EYA2: variants seen among roughly 807,000 people sequenced by gnomAD.
EYA2 encodes the protein protein phosphatase EYA2.
Under a neutral mutation model 69.2 loss-of-function variants are expected in EYA2, and 31 were observed. The ratio of observed to expected loss-of-function variants is 0.45; its 90% CI spans 0.34 to 0.60. The LOEUF (loss-of-function observed/expected upper bound fraction) is 0.60, where lower values mean the gene tolerates loss of function less well. EYA2 is among the 20% of genes least tolerant of loss of function. The probability of loss-of-function intolerance (pLI) is 0.02; values close to 1 mark genes in which losing one functional copy is unlikely to be tolerated. For missense variants in EYA2, 622 were observed against 701.2 expected (o/e 0.89, Z 1.28); for synonymous variants, 257 against 279.4 (o/e 0.92, Z 0.80).
At chr20:47,151,916 G>A (rs530324786) in intron 10 of EYA2, among the ~76,000 whole-genome samples, 1 of 152,038 alleles carries the variant, frequency 6.6e-6, no homozygotes, top group South Asian at 2.1e-4. Flanking sequence ...CTTGCCCTAC[G>A]ACCCCATCCA....
rs966739677 is a variant in EYA2 at position 46,908,489 on chromosome 20, C to T, written c.-11+13502C>T. Among the ~76,000 whole-genome samples, 6 of 152,138 alleles carry T rather than the reference C, an allele frequency of 3.9e-5. No homozygotes were observed. In the East Asian group the frequency reaches 9.6e-4, roughly 24 times the overall value. On this transcript the variant is annotated intron_variant, in intron 1 of 15. Transcript: ENST00000327619. ...AGGGCCTTGCTCAGAATCCAGCTGC[C>T]GTTCTGCGTCAATCAGTCATGTCCA...
chr20:47,023,166 C>G (rs1284900750), intron 5 of EYA2, among the ~76,000 whole-genome samples: 1 of 152,194 alleles, frequency 6.6e-6, no homozygotes, highest in Non-Finnish European at 1.5e-5. Flanking sequence ...TAACAATTAA[C>G]CACTGTAATA....
At chr20:46,912,810 C>CCTG (rs1321712421) in intron 1 of EYA2, among the ~76,000 whole-genome samples, 1 of 151,198 alleles carries the variant, frequency 6.6e-6, no homozygotes, top group East Asian at 1.9e-4. Context: ...ACGCCATTCT[C>CCTG]CTGCCTCAGC....
chr20:46,947,337 G>A (rs1978523432), intron 1 of EYA2, among the ~76,000 whole-genome samples: 1 of 151,458 alleles, frequency 6.6e-6, no homozygotes, highest in Non-Finnish European at 1.5e-5. Flanking sequence ...AACAACTTTG[G>A]ACTGTGATCC....
At chr20:46,946,870 GT>G (rs1258211872) in intron 1 of EYA2, among the ~76,000 whole-genome samples, 1 of 150,388 alleles carries the variant, frequency 6.6e-6, no homozygotes, top group Non-Finnish European at 1.5e-5. Flanking sequence ...TCTTACTGCA[GT>G]TTTGGCCTGT....
At chr20:47,045,858 CTT>C (rs763011433) in intron 5 of EYA2, among the ~76,000 whole-genome samples, 5 of 149,954 alleles carry the variant, frequency 3.3e-5, no homozygotes, top group Admixed American at 6.7e-5. Flanking sequence ...TTATTTCTCT[CTT>C]ATGTAACAGT....
At chr20:47,000,623 GT>G (rs1162297931) in intron 2 of EYA2, among the ~76,000 whole-genome samples, 3 of 152,206 alleles carry the variant, frequency 2.0e-5, no homozygotes, top group Non-Finnish European at 4.4e-5. Flanking sequence ...CCAGTGAACT[GT>G]CCCTATGTAA....
At chr20:47,030,099 G>T (rs930180168) in intron 5 of EYA2, among the ~76,000 whole-genome samples, 1 of 152,292 alleles carries the variant, frequency 6.6e-6, no homozygotes, top group Non-Finnish European at 1.5e-5. Context: ...ACAAAAGCAG[G>T]TGGTGGGTTG....
At chr20:47,073,844 G>A (rs1172946756) in intron 6 of EYA2, among the ~76,000 whole-genome samples, 2 of 152,000 alleles carry the variant, frequency 1.3e-5, no homozygotes, top group Non-Finnish European at 2.9e-5. Context: ...TCTGAGATGT[G>A]GATTTTAGAC....
At chr20:47,040,446 C>T (rs955734158) in intron 5 of EYA2, among the ~76,000 whole-genome samples, 5 of 152,128 alleles carry the variant, frequency 3.3e-5, no homozygotes, top group African/African-American at 7.2e-5. Context: ...TCTGGTCTGT[C>T]GAAGGGGAAT....
At chr20:47,038,759 T>A (rs961581897) in intron 5 of EYA2, among the ~76,000 whole-genome samples, 3 of 152,126 alleles carry the variant, frequency 2.0e-5, no homozygotes, top group African/African-American at 7.2e-5. Context: ...GAACAACTAG[T>A]CCCCGTTCCC....
At chr20:47,106,427 G>T (rs139242074) in intron 9 of EYA2, among the ~76,000 whole-genome samples, 1 of 152,138 alleles carries the variant, frequency 6.6e-6, no homozygotes, top group African/African-American at 2.4e-5. Flanking sequence ...TTTCTGTAAC[G>T]CAATGGAATT....
intron 5 of EYA2, among the ~76,000 whole-genome samples, chr20:47,034,438 AT>A (rs1984586563): frequency 6.6e-6 from 1 of 152,154 alleles, no homozygotes; most frequent in African/African-American, 2.4e-5. Flanking sequence ...GGGCAGGGAG[AT>A]GAGTAGAGTC....
chr20:47,108,950 C>CT (rs953873121), intron 9 of EYA2, among the ~76,000 whole-genome samples: 2 of 152,110 alleles, frequency 1.3e-5, no homozygotes, highest in African/African-American at 4.8e-5. Flanking sequence ...GAGGAGGCTA[C>CT]TGCACCAGTT....
Position 46,934,275 on chromosome 20 carries a change from G to GTC in EYA2, c.-11+39299_-11+39300dup, listed in dbSNP as rs140695048. Among the ~76,000 whole-genome samples the GTC allele has an allele frequency of 6.1e-3, 927 of 152,066 alleles. 15 individuals are homozygous for GTC. The highest frequency in any genetic ancestry group is 0.021 in the African/African-American group (863 of 41,468). ...CAGGCACTCAAACAACATCAACATA[G>GTC]TCTCTCTCTCTCACCCCGTCCCCAC... is the stretch of plus-strand genomic sequence containing the variant. On this transcript the variant is annotated intron_variant, in intron 1 of 15. Transcript: ENST00000327619.
At chr20:47,182,628 T>TAAAAAAA (rs772113561) in intron 14 of EYA2, among the ~76,000 whole-genome samples, 1 of 84,340 alleles carries the variant, frequency 1.2e-5, no homozygotes, top group African/African-American at 6.5e-5. Flanking sequence ...AGACTCCGTC[T>TAAAAAAA]AAAAAAAAAA....
intron 1 of EYA2, among the ~76,000 whole-genome samples, chr20:46,904,110 A>G (rs947128734): frequency 6.6e-6 from 1 of 152,200 alleles, no homozygotes; most frequent in Non-Finnish European, 1.5e-5. Flanking sequence ...GAGTCAGTCC[A>G]TCACTCACGG....
Position 47,180,844 on chromosome 20 carries a change from C to T in EYA2, c.1343C>T (p.Thr448Ile). 1 of 1,614,202 alleles carries T rather than the reference C, an allele frequency of 6.2e-7. No homozygotes were observed. ...RPNCVNVLVT[T>I]TQLIPALAKV... The stretch of plus-strand genomic sequence containing the variant: ...AACTGTGTCAATGTGCTGGTCACCA[C>T]CACTCAACTAATTCCTGCCCTGGCC... The change falls in exon 14 of 16, where the codon ACC (threonine) becomes ATC (isoleucine). Residue 448 changes from threonine to isoleucine, a missense_variant. Thr to Ile is a moderately conservative substitution (Grantham distance 89, BLOSUM62 -1). Transcript: ENST00000327619.
chr20:47,111,143 T>C (rs1028416325), intron 9 of EYA2, among the ~76,000 whole-genome samples: 2 of 152,210 alleles, frequency 1.3e-5, no homozygotes, highest in African/African-American at 4.8e-5. Context: ...TTGAAGTAGG[T>C]CAGAAGGTGC....
Sources: gnomAD v4.1 joint callset for allele counts (sites outside exome capture counted in the v4.1 genomes callset) on GRCh38, gnomAD v4.1.1 for gene constraint, MANE v1.5 for transcripts, NCBI Gene and HGNC (gene_info 2026-07-23, HGNC 2026-07-21) for gene names.